STPG2: variants seen among roughly 807,000 people sequenced by gnomAD.
STPG2 encodes sperm tail PG-rich repeat containing 2, also known as sperm-tail PG-rich repeat-containing protein 2.
In STPG2, 56 loss-of-function variants were observed where a neutral mutation model predicts 54.2. The ratio of observed to expected loss-of-function variants is 1.03; its 90% CI spans 0.83 to 1.29. The LOEUF (loss-of-function observed/expected upper bound fraction) is 1.29. Among genes scored for constraint, STPG2 ranks in the 50% most tolerant of loss-of-function variants. The pLI is 0.00. For missense variants in STPG2, 596 were observed against 544.9 expected (o/e 1.09, Z -0.93); for synonymous variants, 200 against 181.8 (o/e 1.10, Z -0.81).
chr4:97,632,315 A>G (rs1721316431), intron 10 of STPG2, among the ~76,000 whole-genome samples: 1 of 149,470 alleles, frequency 6.7e-6, no homozygotes, highest in African/African-American at 2.5e-5. Context: ...TGAGCTTCCC[A>G]CTGGCATGGG....
At chr4:97,572,171 A>C (rs969181800) in intron 10 of STPG2, among the ~76,000 whole-genome samples, 1 of 152,120 alleles carries the variant, frequency 6.6e-6, no homozygotes, top group African/African-American at 2.4e-5. Context: ...TCTGCATTTC[A>C]GTTTTCATTT....
At chr4:97,926,168 C>G (rs774822541) in intron 8 of STPG2, among the ~76,000 whole-genome samples, 1 of 152,132 alleles carries the variant, frequency 6.6e-6, no homozygotes, top group Non-Finnish European at 1.5e-5. Context: ...GGGTGTTACT[C>G]TAACACCTTT....
intron 7 of STPG2, among the ~76,000 whole-genome samples, chr4:97,946,230 T>G (rs1733216190): frequency 6.6e-6 from 1 of 152,168 alleles, no homozygotes; most frequent in South Asian, 2.1e-4. Context: ...AGTTGCCCAC[T>G]TTTTCATGAA....
chr4:97,912,638 G>T (rs1578683466), intron 8 of STPG2, among the ~76,000 whole-genome samples: 1 of 151,804 alleles, frequency 6.6e-6, no homozygotes, highest in South Asian at 2.1e-4. Context: ...GAGAAGGAAT[G>T]AACAAAAAAG....
chr4:98,074,473 T>C (rs10033211), intron 5 of STPG2, among the ~76,000 whole-genome samples: 10 of 151,680 alleles, frequency 6.6e-5, no homozygotes, highest in African/African-American at 2.2e-4. Flanking sequence ...ATGTCTTTCA[T>C]CCCTTTTGGC....
chr4:97,647,703 T>C (rs902720327), intron 10 of STPG2, among the ~76,000 whole-genome samples: 1 of 152,142 alleles, frequency 6.6e-6, no homozygotes. Context: ...CACAACCTCA[T>C]GGGGCCAAAA....
chr4:98,132,836 T>C (rs1002595386), intron 2 of STPG2, among the ~76,000 whole-genome samples: 1 of 151,664 alleles, frequency 6.6e-6, no homozygotes, highest in Non-Finnish European at 1.5e-5. Flanking sequence ...CTTGGAGCAC[T>C]TTGAGAGAGT....
intron 3 of STPG2, among the ~76,000 whole-genome samples, chr4:98,119,663 T>C (rs1196343943): frequency 6.6e-5 from 10 of 152,062 alleles, no homozygotes; most frequent in Admixed American, 6.6e-4. Flanking sequence ...GTTACATAGG[T>C]AAACATGTGC....
At chr4:97,714,553 T>C (rs1006443215) in intron 9 of STPG2, among the ~76,000 whole-genome samples, 6 of 152,168 alleles carry the variant, frequency 3.9e-5, no homozygotes, top group African/African-American at 1.4e-4. Context: ...TACCAAGTGA[T>C]AAGGAAAGTG....
At chr4:97,909,412 C>T (rs72686452) in intron 8 of STPG2, among the ~76,000 whole-genome samples, 2,892 of 152,200 alleles carry the variant, frequency 0.019, 50 homozygotes, top group Non-Finnish European at 0.026. Flanking sequence ...CAATCTCACA[C>T]AAATTCTTTC....
intron 9 of STPG2, among the ~76,000 whole-genome samples, chr4:97,727,260 A>C (rs1724654900): frequency 6.6e-6 from 1 of 151,918 alleles, no homozygotes; most frequent in Non-Finnish European, 1.5e-5. Context: ...ATGATTCCAT[A>C]TTAGTTTTAT....
chr4:97,729,501 T>G (rs1358894995), intron 9 of STPG2, among the ~76,000 whole-genome samples: 7 of 152,176 alleles, frequency 4.6e-5, no homozygotes, highest in African/African-American at 1.7e-4. Context: ...GTTATCAAAA[T>G]AGAAATATAT....
chr4:97,532,580 G>T (rs1484364614), intron 4 of STPG2, among the ~76,000 whole-genome samples: 1 of 152,156 alleles, frequency 6.6e-6, no homozygotes, highest in Non-Finnish European at 1.5e-5. Flanking sequence ...TGGAAAGATA[G>T]CTTCTTGAAA....
At chr4:97,869,984 T>G (rs2149152512) in intron 8 of STPG2, among the ~76,000 whole-genome samples, 1 of 151,672 alleles carries the variant, frequency 6.6e-6, no homozygotes, top group Admixed American at 6.6e-5. Context: ...TTCCTTCATT[T>G]AAAATTCTGC....
intron 5 of STPG2, among the ~76,000 whole-genome samples, chr4:98,075,181 G>GA (rs1489586944): frequency 6.6e-6 from 1 of 152,086 alleles, no homozygotes; most frequent in African/African-American, 2.4e-5. Context: ...GTCTTCCCAG[G>GA]AGCACCATGA....
chr4:97,563,276 A>T (rs1218218249), intron 10 of STPG2, among the ~76,000 whole-genome samples: 1 of 151,116 alleles, frequency 6.6e-6, no homozygotes, highest in Non-Finnish European at 1.5e-5. Context: ...TTTCTGTGGG[A>T]TCAGTGGTGA....
At chr4:97,958,725 A>T (rs1421566333) in intron 7 of STPG2, among the ~76,000 whole-genome samples, 3 of 152,220 alleles carry the variant, frequency 2.0e-5, no homozygotes, top group Non-Finnish European at 1.5e-5. Flanking sequence ...TTTATAAAAC[A>T]ATTACTACTA....
chr4:98,090,970 C>G (rs1738667911), intron 5 of STPG2, among the ~76,000 whole-genome samples: 1 of 56,166 alleles, frequency 1.8e-5, no homozygotes, highest in Admixed American at 1.4e-4. Flanking sequence ...TACACACACA[C>G]ACAAATACAT....
At chr4:97,942,946 T>C (rs556761913) in intron 8 of STPG2, among the ~76,000 whole-genome samples, 1 of 152,308 alleles carries the variant, frequency 6.6e-6, no homozygotes, top group South Asian at 2.1e-4. Context: ...CACTGTAACA[T>C]TTGTCTTTCT....
Sources: gnomAD v4.1 joint callset for allele counts (sites outside exome capture counted in the v4.1 genomes callset) on GRCh38, gnomAD v4.1.1 for gene constraint, MANE v1.5 for transcripts, NCBI Gene and HGNC (gene_info 2026-07-23, HGNC 2026-07-21) for gene names.